Variants in MSRA observed in about 807,000 individuals in gnomAD.
MSRA encodes methionine sulfoxide reductase A.
Under a neutral mutation model 31.3 loss-of-function variants are expected in MSRA, and 54 were observed. The ratio of observed to expected loss-of-function variants is 1.73; its 90% CI spans 1.39 to 2.17. The LOEUF is 2.17. Among genes scored for constraint, MSRA ranks in the 30% most tolerant of loss-of-function variants. The pLI, the probability that MSRA is intolerant of heterozygous loss-of-function variation, is 0.00. For synonymous variants in MSRA, 169 were observed against 116.5 expected (o/e 1.45, Z -2.90); for missense variants, 507 against 300.9 (o/e 1.69, Z -5.07).
chr8:10,227,971 C>T (rs939391048), intron 2 of MSRA, among the ~76,000 whole-genome samples: 1 of 152,160 alleles, frequency 6.6e-6, no homozygotes, highest in African/African-American at 2.4e-5. Context: ...TATTCATCTT[C>T]CTTGTTCCTA....
chr8:10,089,812 A>C (rs1798769020), intron 1 of MSRA, among the ~76,000 whole-genome samples: 1 of 152,068 alleles, frequency 6.6e-6, no homozygotes, highest in African/African-American at 2.4e-5. Flanking sequence ...ATAACAACCC[A>C]GTCTCAGGGA....
intron 1 of MSRA, among the ~76,000 whole-genome samples, chr8:10,135,472 C>T (rs1269367591): frequency 2.0e-5 from 3 of 152,096 alleles, no homozygotes; most frequent in Non-Finnish European, 2.9e-5. Context: ...AAGTTACCAA[C>T]GAGTAATATT....
chr8:10,355,479 A>T (rs1049987248), intron 5 of MSRA, among the ~76,000 whole-genome samples: 4 of 152,220 alleles, frequency 2.6e-5, no homozygotes, highest in African/African-American at 9.6e-5. Flanking sequence ...GATTTCTGAG[A>T]CACGTGTAAG....
rs752483444 is a variant in MSRA, at chr8:10,428,281, G to A, written c.677G>A (p.Gly226Asp). 10 of 1,614,086 alleles carry A rather than the reference G, an allele frequency of 6.2e-6. No individual in the cohort carries two copies. Among genetic ancestry groups the A allele is most frequent in the Non-Finnish European group, 7.6e-6 (9 of 1,180,014 alleles). Residue 226 changes from glycine to aspartate, a missense_variant, in exon 6 of 6, where the codon GGC (glycine) becomes GAC (aspartate). Physicochemically the swap from Gly to Asp is moderately conservative, Grantham distance 94 (BLOSUM62 -1). Transcript: ENST00000317173. ...PNGYCGLGGT[G>D]VSCPVGIKK ...GGCTACTGCGGCCTTGGGGGCACCG[G>A]CGTGTCCTGCCCAGTGGGTATTAAA...
At chr8:10,285,733 A>T (rs1462111704) in intron 3 of MSRA, among the ~76,000 whole-genome samples, 1 of 152,138 alleles carries the variant, frequency 6.6e-6, no homozygotes, top group African/African-American at 2.4e-5. Context: ...TATGAGAGAG[A>T]ACATGCGGTA....
chr8:10,126,882 T>C (rs1231576143), intron 1 of MSRA, among the ~76,000 whole-genome samples: 1 of 152,190 alleles, frequency 6.6e-6, no homozygotes, highest in Non-Finnish European at 1.5e-5. Flanking sequence ...GGGTTCGCAC[T>C]CCTATGAGAA....
intron 5 of MSRA, among the ~76,000 whole-genome samples, chr8:10,348,258 C>T (rs1001077867): frequency 4.6e-5 from 7 of 151,652 alleles, no homozygotes; most frequent in African/African-American, 9.7e-5. Flanking sequence ...TATTTGAATC[C>T]GTGCTAGGGC....
In MSRA at chr8:10,416,164, C is replaced by G. The variant is rs200456437; in HGVS notation, c.544-11984C>G. On this transcript the variant is annotated intron_variant, in intron 5 of 5. Transcript: ENST00000317173. ...ACGTCGTGGGAATTGCCCGTACACT[C>G]TTCTGAGAGCACCTCGCGGGCAGGG... Among the ~76,000 whole-genome samples, 54 of 152,330 alleles carry G rather than the reference C, an allele frequency of 3.5e-4. 1 individual carries two copies. In the East Asian group the frequency reaches 6.8e-3, roughly 19 times the overall value.
intron 5 of MSRA, among the ~76,000 whole-genome samples, chr8:10,427,488 AC>A (rs2129199238): frequency 6.6e-6 from 1 of 151,926 alleles, no homozygotes; most frequent in East Asian, 1.9e-4. Flanking sequence ...CCCTGCCCTG[AC>A]TCCCCAGGCT....
intron 1 of MSRA, among the ~76,000 whole-genome samples, chr8:10,201,198 C>T (rs1808467704): frequency 6.6e-6 from 1 of 152,092 alleles, no homozygotes; most frequent in South Asian, 2.1e-4. Flanking sequence ...CTCTCTGCTG[C>T]TCAGTGTAGT....
At chr8:10,265,791 G>A (rs1798716816) in intron 3 of MSRA, among the ~76,000 whole-genome samples, 1 of 152,138 alleles carries the variant, frequency 6.6e-6, no homozygotes, top group Non-Finnish European at 1.5e-5. Context: ...CTGGTGCCCA[G>A]GCAACCTCTG....
At chr8:10,081,363 C>G (rs188404829) in intron 1 of MSRA, among the ~76,000 whole-genome samples, 21 of 152,298 alleles carry the variant, frequency 1.4e-4, no homozygotes, top group African/African-American at 5.1e-4. Context: ...GAACGTGAAG[C>G]TATCCTTAAT....
At chr8:10,210,610 A>G (rs17151349) in intron 2 of MSRA, among the ~76,000 whole-genome samples, 4,057 of 152,224 alleles carry the variant, frequency 0.027, 183 homozygotes, top group African/African-American at 0.092. Flanking sequence ...GCACAGGAGG[A>G]TGTCTTACAT....
chr8:10,245,231 G>C lies in MSRA; in HGVS notation c.331+8G>C. ...ATAAAGAAGTCTGCTCAGGTAGGAA[G>C]AATTTGCTTTATTGTATTACTAGGA... On this transcript the variant is annotated splice_region_variant and intron_variant, in intron 3 of 5. Transcript: ENST00000317173. 6.2e-7 allele frequency: 1 copy of C among 1,612,300 alleles called. No homozygotes were observed. Among genetic ancestry groups the C allele is most frequent in the Non-Finnish European group, 8.5e-7 (1 of 1,179,244 alleles).
chr8:10,383,410 C>A (rs575671235), intron 5 of MSRA, among the ~76,000 whole-genome samples: 7 of 152,128 alleles, frequency 4.6e-5, no homozygotes, highest in African/African-American at 1.7e-4. Flanking sequence ...GAAGGAGAGA[C>A]GGTTTTGTGG....
chr8:10,329,035 C>T (rs945990833), intron 5 of MSRA, among the ~76,000 whole-genome samples: 6 of 152,154 alleles, frequency 3.9e-5, no homozygotes, highest in East Asian at 1.9e-4. Context: ...CTCTTGACAC[C>T]GAAGTTGCTA....
intron 4 of MSRA, among the ~76,000 whole-genome samples, chr8:10,303,449 T>A (rs1470431489): frequency 6.6e-6 from 1 of 152,214 alleles, no homozygotes; most frequent in Non-Finnish European, 1.5e-5. Flanking sequence ...CTATGGGCTC[T>A]GTGTTTGTAA....
chr8:10,203,687 T>A (rs1272313539), intron 1 of MSRA, among the ~76,000 whole-genome samples: 1 of 152,254 alleles, frequency 6.6e-6, no homozygotes, highest in Non-Finnish European at 1.5e-5. Flanking sequence ...GCTTATGTAT[T>A]TGCTATACTA....
intron 1 of MSRA, among the ~76,000 whole-genome samples, chr8:10,204,216 C>T (rs566473886): frequency 3.4e-4 from 51 of 152,212 alleles, no homozygotes; most frequent in Admixed American, 9.8e-4. Flanking sequence ...TAAAAAATTA[C>T]AGTAGCTGAG....
Sources: gnomAD v4.1 joint callset for allele counts (sites outside exome capture counted in the v4.1 genomes callset) on GRCh38, gnomAD v4.1.1 for gene constraint, MANE v1.5 for transcripts, NCBI Gene and HGNC (gene_info 2026-07-23, HGNC 2026-07-21) for gene names.